Variants in CCDC148 observed in about 807,000 individuals in gnomAD.
CCDC148 encodes the protein coiled-coil domain-containing protein 148.
In CCDC148, 89 loss-of-function variants were observed where a neutral mutation model predicts 85.7. The ratio of observed to expected loss-of-function variants is 1.04; its 90% confidence interval spans 0.87 to 1.24. The LOEUF (loss-of-function observed/expected upper bound fraction) is 1.24. Among genes scored for constraint, CCDC148 ranks in the 50% most tolerant of loss-of-function variants. CCDC148 has a pLI of 0.00. For missense variants in CCDC148, 692 were observed against 671.7 expected (o/e 1.03, Z -0.33); for synonymous variants, 230 against 213.9 (o/e 1.08, Z -0.66).
At chr2:158,286,580 G>T (rs188884305) in intron 9 of CCDC148, among the ~76,000 whole-genome samples, 2 of 152,242 alleles carry the variant, frequency 1.3e-5, no homozygotes, top group East Asian at 3.9e-4. Flanking sequence ...AGGTAGGAGG[G>T]CATTTTCTAT....
In CCDC148 at chr2:158,304,657, A is replaced by G. The variant is rs577297592; in HGVS notation, c.1110+4776T>C. ...CCTATGAGCTTCCATTTAGGTGTAG[A>G]AAGTTAGATAGAATATTGTTCTCAC... On this transcript the variant is annotated intron_variant, in intron 9 of 13. Transcript: ENST00000283233. 9.8e-5 allele frequency among the ~76,000 whole-genome samples: 15 copies of G among 152,324 alleles called. No individual in the cohort carries two copies. The South Asian group carries it at 3.1e-3, about 32-fold the overall frequency.
chr2:158,232,186 C>T (rs1320634205), intron 10 of CCDC148, among the ~76,000 whole-genome samples: 2 of 152,118 alleles, frequency 1.3e-5, no homozygotes, highest in Non-Finnish European at 2.9e-5. Context: ...TATTATACTT[C>T]TGATTTGTAT....
intron 1 of CCDC148, among the ~76,000 whole-genome samples, chr2:158,372,589 C>G (rs768044555): frequency 3.9e-5 from 6 of 151,978 alleles, no homozygotes; most frequent in Non-Finnish European, 5.9e-5. Context: ...TCACCTGCTT[C>G]CCCTTGGTCC....
intron 2 of CCDC148, among the ~76,000 whole-genome samples, chr2:158,355,070 G>A (rs1233848226): frequency 6.6e-6 from 1 of 151,630 alleles, no homozygotes; most frequent in Non-Finnish European, 1.5e-5. Flanking sequence ...GTATTGATGG[G>A]ACGTATTTCA....
intron 9 of CCDC148, among the ~76,000 whole-genome samples, chr2:158,293,911 A>C: frequency 1.4e-5 from 2 of 145,690 alleles, no homozygotes; most frequent in South Asian, 2.2e-4. Context: ...CTTCTGGAAA[A>C]CCAATGAGGG....
intron 11 of CCDC148, among the ~76,000 whole-genome samples, chr2:158,193,578 G>A (rs1180251537): frequency 1.3e-5 from 2 of 151,790 alleles, no homozygotes; most frequent in Non-Finnish European, 2.9e-5. Flanking sequence ...CTTTCTTTGT[G>A]GGATTTGGAA....
intron 9 of CCDC148, among the ~76,000 whole-genome samples, chr2:158,270,432 G>C (rs914971119): frequency 2.6e-5 from 4 of 152,122 alleles, no homozygotes; most frequent in Non-Finnish European, 5.9e-5. Flanking sequence ...AAAGGATAGG[G>C]TTACTTTACT....
intron 11 of CCDC148, among the ~76,000 whole-genome samples, chr2:158,182,512 G>A (rs1207128034): frequency 6.6e-6 from 1 of 152,118 alleles, no homozygotes; most frequent in Non-Finnish European, 1.5e-5. Context: ...GTGAGGTAAG[G>A]CAGTAAGAGA....
At chr2:158,390,965 T>C (rs2105296756) in intron 1 of CCDC148, among the ~76,000 whole-genome samples, 1 of 152,280 alleles carries the variant, frequency 6.6e-6, no homozygotes, top group South Asian at 2.1e-4. Context: ...ATACAATAGC[T>C]GTTATTTGAG....
chr2:158,296,482 T>C (rs1691194260), intron 9 of CCDC148, among the ~76,000 whole-genome samples: 2 of 152,198 alleles, frequency 1.3e-5, no homozygotes, highest in African/African-American at 4.8e-5. Context: ...TTTAAGAATA[T>C]TGGCTTTCCA....
At chr2:158,391,497 G>GA (rs1685306441) in intron 1 of CCDC148, among the ~76,000 whole-genome samples, 1 of 152,058 alleles carries the variant, frequency 6.6e-6, no homozygotes, top group Admixed American at 6.6e-5. Context: ...TAAAATATTA[G>GA]AAAAATGATC....
intron 9 of CCDC148, among the ~76,000 whole-genome samples, chr2:158,304,465 T>G (rs1023858376): frequency 3.9e-5 from 6 of 152,134 alleles, no homozygotes; most frequent in African/African-American, 1.4e-4. Context: ...AGGTTCCCAT[T>G]TATTGTTGTT....
intron 3 of CCDC148, among the ~76,000 whole-genome samples, chr2:158,342,319 A>G (rs945992007): frequency 2.6e-5 from 4 of 152,042 alleles, no homozygotes; most frequent in Non-Finnish European, 5.9e-5. Flanking sequence ...TTCTAAGCCA[A>G]TTTACATGGG....
chr2:158,322,474 A>G (rs192061255), intron 7 of CCDC148, among the ~76,000 whole-genome samples: 14 of 152,212 alleles, frequency 9.2e-5, no homozygotes, highest in African/African-American at 3.1e-4. Context: ...TTTTATAAAC[A>G]ACATTCATAC....
chr2:158,249,885 C>A (rs533024232), intron 10 of CCDC148, among the ~76,000 whole-genome samples: 8 of 152,220 alleles, frequency 5.3e-5, no homozygotes, highest in Admixed American at 4.6e-4. Flanking sequence ...CTTGGCACTG[C>A]AAGCAGCTTT....
intron 1 of CCDC148, among the ~76,000 whole-genome samples, chr2:158,432,302 C>T (rs1687393637): frequency 6.6e-6 from 1 of 151,168 alleles, no homozygotes; most frequent in Non-Finnish European, 1.5e-5. Context: ...AGGTAAATGA[C>T]ATAAATACTA....
At chr2:158,267,338 A>T (rs991223496) in intron 9 of CCDC148, among the ~76,000 whole-genome samples, 2 of 152,186 alleles carry the variant, frequency 1.3e-5, no homozygotes, top group African/African-American at 4.8e-5. Flanking sequence ...CAGCTCAAGC[A>T]TCTCTTCCTC....
At chr2:158,436,962 C>A (rs1463236836) in intron 1 of CCDC148, among the ~76,000 whole-genome samples, 3 of 152,136 alleles carry the variant, frequency 2.0e-5, no homozygotes, top group Non-Finnish European at 4.4e-5. Flanking sequence ...AAATAACAGG[C>A]TCTGAAATTG....
At chr2:158,444,582 A>G (rs1012574082) in intron 1 of CCDC148, among the ~76,000 whole-genome samples, 1 of 151,920 alleles carries the variant, frequency 6.6e-6, no homozygotes, top group South Asian at 2.1e-4. Context: ...GGAGCTCAAG[A>G]CCAGCCTGAG....
Sources: gnomAD v4.1 joint callset for allele counts (sites outside exome capture counted in the v4.1 genomes callset) on GRCh38, gnomAD v4.1.1 for gene constraint, MANE v1.5 for transcripts, NCBI Gene and HGNC (gene_info 2026-07-23, HGNC 2026-07-21) for gene names.